Variants in PRICKLE2 observed in about 807,000 individuals in gnomAD.
The protein encoded by PRICKLE2 is prickle planar cell polarity protein 2, also known as prickle-like protein 2.
A neutral mutation model predicts 81.4 loss-of-function variants in PRICKLE2; 21 were observed. The ratio of observed to expected loss-of-function variants is 0.26; its 90% CI spans 0.18 to 0.37. The LOEUF is 0.37. Among genes scored for constraint, PRICKLE2 ranks in the 10% least tolerant of loss-of-function variants. The pLI is 1.00. For missense variants in PRICKLE2, 940 were observed against 1,109.0 expected, an observed-to-expected ratio of 0.85 and a Z score of 2.16; for synonymous variants, 456 against 421.5, an observed-to-expected ratio of 1.08 and a Z score of -1.00.
chr3:64,252,790 T>C (rs1374803325), intron 2 of PRICKLE2, among the ~76,000 whole-genome samples: 1 of 152,228 alleles, frequency 6.6e-6, no homozygotes, highest in Non-Finnish European at 1.5e-5. Flanking sequence ...AACAAACTTT[T>C]TCCTATTAAG....
chr3:64,238,882 C>A (rs76889977), intron 2 of PRICKLE2, among the ~76,000 whole-genome samples: 8,103 of 152,246 alleles, frequency 0.053, 699 homozygotes, highest in African/African-American at 0.18. Context: ...ACAGCGAGGG[C>A]ATCTGAAGCC....
At position 64,182,207 on chromosome 3, in the gene PRICKLE2, C is replaced by T. The variant is rs907881669; in HGVS notation, c.144+16577G>A. On this transcript the variant is annotated intron_variant, in intron 2 of 7. Transcript: ENST00000638394. ...GACATAAAGAGGGCTTGTGGCCAGG[C>T]GTGGTTGTGGTCACTCACACCTGTA... is the stretch of plus-strand genomic sequence containing the variant. 2.0e-5 allele frequency among the ~76,000 whole-genome samples: 3 copies of T among 152,204 alleles called. No homozygotes were observed. In the South Asian group the frequency reaches 6.2e-4, roughly 32 times the overall value.
chr3:64,165,583 T>C (rs947455722), intron 2 of PRICKLE2, among the ~76,000 whole-genome samples: 5 of 152,192 alleles, frequency 3.3e-5, no homozygotes, highest in African/African-American at 1.2e-4. Context: ...GGCGCGGTCA[T>C]GGCTCACTGT....
intron 2 of PRICKLE2, among the ~76,000 whole-genome samples, chr3:64,232,897 G>C (rs936272411): frequency 6.6e-6 from 1 of 152,160 alleles, no homozygotes; most frequent in Admixed American, 6.5e-5. Flanking sequence ...ATCTAATCCA[G>C]AGGAGGTTGA....
At chr3:64,105,145 C>T (rs1345077261) in intron 7 of PRICKLE2, among the ~76,000 whole-genome samples, 1 of 152,142 alleles carries the variant, frequency 6.6e-6, no homozygotes, top group Non-Finnish European at 1.5e-5. Flanking sequence ...CTTCCCTTTG[C>T]ATGCCTGACT....
Position 64,179,636 on chromosome 3 carries a change from TGTTAA to T in PRICKLE2, c.145-16512_145-16508del, listed in dbSNP as rs548735393. On this transcript the variant is annotated intron_variant, in intron 2 of 7. Transcript: ENST00000638394. The stretch of plus-strand genomic sequence containing the variant: ...AATTTTTTATCCCTCAGTGTATGCC[TGTTAA>T]TGACCACGAGAGTGCTGCAAATATT... Among the ~76,000 whole-genome samples the T allele has an allele frequency of 1.4e-4, 22 of 152,316 alleles. 1 individual carries two copies. The South Asian group carries it at 4.6e-3, about 32-fold the overall frequency.
At chr3:64,237,751 C>T (rs891779939) in intron 2 of PRICKLE2, among the ~76,000 whole-genome samples, 4 of 152,176 alleles carry the variant, frequency 2.6e-5, no homozygotes, top group Admixed American at 1.3e-4. Flanking sequence ...CCTAGTATTT[C>T]CCTGCCTCCT....
intron 5 of PRICKLE2, chr3:64,153,608 T>C (rs191011785): frequency 4.3e-5 from 22 of 512,846 alleles, no homozygotes; most frequent in Non-Finnish European, 7.7e-5. Context: ...CTTAACCACA[T>C]TTAATAAGAG....
chr3:64,210,328 T>C (rs1184954719), intron 1 of PRICKLE2, among the ~76,000 whole-genome samples: 1 of 152,144 alleles, frequency 6.6e-6, no homozygotes, highest in African/African-American at 2.4e-5. Flanking sequence ...ACACTCAGTC[T>C]GAATGAGGGA....
chr3:64,263,299 T>C (rs1226248139), intron 2 of PRICKLE2, among the ~76,000 whole-genome samples: 1 of 152,212 alleles, frequency 6.6e-6, no homozygotes, highest in Non-Finnish European at 1.5e-5. Flanking sequence ...AGGGTCGACA[T>C]GAACATACCA....
At chr3:64,100,086 T>C in intron 7 of PRICKLE2, 161 bp from the exon 8 acceptor site, 2 of 699,512 alleles carry the variant, frequency 2.9e-6, no homozygotes, top group Non-Finnish European at 2.4e-6. Context: ...GAGGGGGTTC[T>C]CTCCACTCCA....
In PRICKLE2 at chr3:64,163,467, A is replaced by G. The variant is rs1486982353; in HGVS notation, c.145-338T>C. 7 of 373,498 alleles carry G rather than the reference A, an allele frequency of 1.9e-5. No homozygotes were observed. The East Asian group carries it at 4.4e-4, about 23-fold the overall frequency. 23.1% of individuals were successfully genotyped at this position (373,498 alleles called of 1,614,324 possible). On this transcript the variant is annotated intron_variant, in intron 2 of 7. Transcript: ENST00000638394. ...GACTCCCCTGAGAGCTGGCTTTACC[A>G]TTTTCTCTGTTAGTCTCCAGCATAT... is the stretch of plus-strand genomic sequence containing the variant.
At chr3:64,243,544 C>G (rs2079300454) in intron 2 of PRICKLE2, among the ~76,000 whole-genome samples, 2 of 152,222 alleles carry the variant, frequency 1.3e-5, no homozygotes, top group Non-Finnish European at 2.9e-5. Context: ...TGGTATCAGT[C>G]ATACCTGGGT....
upstream of PRICKLE2, among the ~76,000 whole-genome samples, chr3:64,229,564 G>A (rs925622355): frequency 5.3e-5 from 8 of 152,138 alleles, no homozygotes; most frequent in Admixed American, 5.2e-4. Context: ...ACTGACATGG[G>A]TCACTCAAGG....
intron 7 of PRICKLE2, among the ~76,000 whole-genome samples, chr3:64,117,287 C>G (rs771929036): frequency 6.6e-6 from 1 of 152,146 alleles, no homozygotes; most frequent in Admixed American, 6.5e-5. Context: ...TGAAAACCAG[C>G]ATAAGACAAG....
intron 2 of PRICKLE2, among the ~76,000 whole-genome samples, chr3:64,260,148 T>C (rs1575725806): frequency 6.6e-6 from 1 of 152,168 alleles, no homozygotes; most frequent in Non-Finnish European, 1.5e-5. Context: ...GAAGGAGATA[T>C]GGTACCATAG....
intron 6 of PRICKLE2, among the ~76,000 whole-genome samples, chr3:64,149,880 G>A (rs1033392131): frequency 1.3e-4 from 19 of 151,730 alleles, no homozygotes; most frequent in African/African-American, 3.9e-4. Context: ...GACTAAGAGG[G>A]GATTTTTTTT....
chr3:64,154,792 A>T (rs1255890702), intron 5 of PRICKLE2: 1 of 152,222 alleles, frequency 6.6e-6, no homozygotes, highest in Non-Finnish European at 1.5e-5. Context: ...AATATTTGCC[A>T]ATCATCTATC....
At chr3:64,122,994 G>C (rs977748695) in intron 7 of PRICKLE2, among the ~76,000 whole-genome samples, 3 of 152,160 alleles carry the variant, frequency 2.0e-5, no homozygotes, top group Non-Finnish European at 4.4e-5. Context: ...CAAAATATCA[G>C]AGCAGGTGTG....
Sources: gnomAD v4.1 joint callset for allele counts (sites outside exome capture counted in the v4.1 genomes callset) on GRCh38, gnomAD v4.1.1 for gene constraint, MANE v1.5 for transcripts, NCBI Gene and HGNC (gene_info 2026-07-23, HGNC 2026-07-21) for gene names.